Variants in LDLRAD4 observed in about 807,000 individuals in gnomAD.
LDLRAD4 encodes the protein low density lipoprotein receptor class A domain containing 4, also known as low-density lipoprotein receptor class A domain-containing protein 4.
Under a neutral mutation model 17.0 loss-of-function variants are expected in LDLRAD4, and 5 were observed. The ratio of observed to expected loss-of-function variants is 0.29; its 90% CI spans 0.15 to 0.62. LDLRAD4 has a LOEUF of 0.62. LDLRAD4 is among the 20% of genes least tolerant of loss of function. LDLRAD4 has a pLI of 0.84. For synonymous variants in LDLRAD4, 168 were observed against 171.8 expected (o/e 0.98, Z 0.17); for missense variants, 340 against 424.7 (o/e 0.80, Z 1.75).
At chr18:13,617,599 A>G (rs1014354858) in intron 3 of LDLRAD4, among the ~76,000 whole-genome samples, 2 of 152,252 alleles carry the variant, frequency 1.3e-5, no homozygotes, top group African/African-American at 4.8e-5. Flanking sequence ...TGGCTAGGGG[A>G]AATAGTTGCA....
chr18:13,636,848 A>T (rs2042129824), intron 4 of LDLRAD4, among the ~76,000 whole-genome samples: 1 of 151,308 alleles, frequency 6.6e-6, no homozygotes. Context: ...CCCAGGCTGA[A>T]GTACAGTGGC....
chr18:13,580,030 T>G (rs143695019), intron 3 of LDLRAD4, among the ~76,000 whole-genome samples: 1 of 152,260 alleles, frequency 6.6e-6, no homozygotes, highest in African/African-American at 2.4e-5. Flanking sequence ...CATAAATGAG[T>G]CTGCATTATT....
intron 1 of LDLRAD4, among the ~76,000 whole-genome samples, chr18:13,380,294 G>A (rs571843261): frequency 1.2e-4 from 19 of 152,332 alleles, no homozygotes; most frequent in East Asian, 5.8e-4. Flanking sequence ...CCCAGCGAGC[G>A]GCTGGTGCAG....
intron 3 of LDLRAD4, among the ~76,000 whole-genome samples, chr18:13,554,448 G>A (rs76778753): frequency 0.22 from 33,498 of 151,878 alleles, 4,016 homozygotes; most frequent in African/African-American, 0.28. Flanking sequence ...GCTTTAAATG[G>A]AGCCTTTTCT....
At chr18:13,271,346 G>A (rs995928365) in intron 1 of LDLRAD4, among the ~76,000 whole-genome samples, 12 of 152,300 alleles carry the variant, frequency 7.9e-5, no homozygotes, top group African/African-American at 2.6e-4. Flanking sequence ...GACGTTAGGC[G>A]TTCAGTGCCT....
At chr18:13,287,472 G>T (rs2045694503) in intron 1 of LDLRAD4, among the ~76,000 whole-genome samples, 1 of 152,188 alleles carries the variant, frequency 6.6e-6, no homozygotes. Context: ...CTCTTGAGTT[G>T]TATCTGATAA....
chr18:13,499,565 G>C (rs945731743), intron 3 of LDLRAD4, among the ~76,000 whole-genome samples: 3 of 149,734 alleles, frequency 2.0e-5, no homozygotes, highest in Admixed American at 6.6e-5. Context: ...TTCCCACCGT[G>C]GACACTGGAG....
intron 1 of LDLRAD4, among the ~76,000 whole-genome samples, chr18:13,344,387 A>G (rs2082555372): frequency 6.6e-6 from 1 of 152,124 alleles, no homozygotes; most frequent in South Asian, 2.1e-4. Flanking sequence ...GAGATCAGAT[A>G]GTTGTAGATG....
chr18:13,611,564 A>C, intron 3 of LDLRAD4: 1 of 985,390 alleles, frequency 1.0e-6, no homozygotes, highest in Non-Finnish European at 1.2e-6. Flanking sequence ...GAACAAAATG[A>C]ACCAGGAGAA....
At chr18:13,566,652 C>T (rs754122847) in intron 3 of LDLRAD4, among the ~76,000 whole-genome samples, 3 of 152,164 alleles carry the variant, frequency 2.0e-5, no homozygotes, top group Non-Finnish European at 1.5e-5. Context: ...CGAGACGCTG[C>T]GCCCAGCCAA....
intron 1 of LDLRAD4, among the ~76,000 whole-genome samples, chr18:13,262,872 G>C (rs2043971102): frequency 8.1e-6 from 1 of 122,702 alleles, no homozygotes; most frequent in African/African-American, 3.2e-5. Context: ...GCTGAGTCCC[G>C]TGCGGCCCTG....
chr18:13,328,848 T>C (rs923573613), intron 1 of LDLRAD4, among the ~76,000 whole-genome samples: 2 of 152,236 alleles, frequency 1.3e-5, no homozygotes, highest in Non-Finnish European at 2.9e-5. Flanking sequence ...TATTATTTTC[T>C]TGTGGACACA....
At chr18:13,228,667 C>T (rs146750738) in intron 1 of LDLRAD4, among the ~76,000 whole-genome samples, 52 of 152,112 alleles carry the variant, frequency 3.4e-4, no homozygotes, top group Non-Finnish European at 6.0e-4. Context: ...CCAGCCTGGG[C>T]AGCATAGTAA....
chr18:13,386,772 C>T (rs1356611699), intron 1 of LDLRAD4, among the ~76,000 whole-genome samples: 2 of 152,296 alleles, frequency 1.3e-5, no homozygotes, highest in Non-Finnish European at 1.5e-5. Flanking sequence ...CATTTTTAGG[C>T]CAGGCATGGT....
At chr18:13,432,873 A>G (rs2090432696) in intron 2 of LDLRAD4, among the ~76,000 whole-genome samples, 1 of 152,118 alleles carries the variant, frequency 6.6e-6, no homozygotes, top group Admixed American at 6.5e-5. Context: ...CATGCCACCA[A>G]GCTCAGCTAA....
intron 1 of LDLRAD4, among the ~76,000 whole-genome samples, chr18:13,384,851 G>T (rs1380173922): frequency 2.6e-5 from 4 of 152,190 alleles, no homozygotes; most frequent in Non-Finnish European, 5.9e-5. Context: ...ACTCCATTGT[G>T]TATGCATACC....
chr18:13,626,597 T>C lies in LDLRAD4; in HGVS notation c.336+5326T>C, dbSNP rs182467103. ...TGACCTATAGAAACAGCAATTTCAA[T>C]TTAAAAAATTAACAAAAGGAATCAC... On this transcript the variant is annotated intron_variant, in intron 4 of 5. Coordinates refer to ENST00000359446, the Ensembl canonical transcript of LDLRAD4. Among the ~76,000 whole-genome samples the C allele has an allele frequency of 2.8e-3, 419 of 152,354 alleles. 2 individuals carry two copies. Among genetic ancestry groups the C allele is most frequent in the Admixed American group, 5.0e-3 (77 of 15,302 alleles).
intron 2 of LDLRAD4, among the ~76,000 whole-genome samples, chr18:13,391,465 G>C (rs2086269890): frequency 6.6e-6 from 1 of 151,904 alleles, no homozygotes; most frequent in African/African-American, 2.4e-5. Context: ...GGTGAGTGTG[G>C]GTATACTCAC....
At chr18:13,546,580 C>T (rs1180485886) in intron 3 of LDLRAD4, among the ~76,000 whole-genome samples, 2 of 151,980 alleles carry the variant, frequency 1.3e-5, no homozygotes, top group Admixed American at 6.5e-5. Flanking sequence ...TGTTACCCAG[C>T]CTGGGTGGTT....
Sources: gnomAD v4.1 joint callset for allele counts (sites outside exome capture counted in the v4.1 genomes callset) on GRCh38, gnomAD v4.1.1 for gene constraint, MANE v1.5 for transcripts, NCBI Gene and HGNC (gene_info 2026-07-23, HGNC 2026-07-21) for gene names.